EPS8: variants seen among roughly 807,000 people sequenced by gnomAD.
The protein encoded by EPS8 is epidermal growth factor receptor kinase substrate 8.
In EPS8, 42 loss-of-function variants were observed where a neutral mutation model predicts 103.8. The observed-to-expected ratio is 0.40, with a 90% CI of 0.32 to 0.52. The LOEUF (loss-of-function observed/expected upper bound fraction) is 0.52. Among genes scored for constraint, EPS8 ranks in the 20% least tolerant of loss-of-function variants. EPS8 has a pLI of 0.40. For synonymous variants in EPS8, 344 were observed against 344.6 expected (o/e 1.00, Z 0.02); for missense variants, 969 against 1,005.1 (o/e 0.96, Z 0.49).
At chr12:15,665,947 C>T (rs1054052594) in intron 7 of EPS8, 55 bp from the exon 8 acceptor site, 3 of 1,534,526 alleles carry the variant, frequency 2.0e-6, no homozygotes, top group African/African-American at 2.8e-5. Context: ...TATAACATAT[C>T]AATTAACTCA....
At chr12:15,667,474 G>A (rs10772868) in intron 6 of EPS8, among the ~76,000 whole-genome samples, 149,357 of 152,204 alleles carry the variant, frequency 0.98, 73,355 homozygotes, top group East Asian at 1. Flanking sequence ...TACAAATATC[G>A]TGTCAAAGGC....
intron 1 of EPS8, among the ~76,000 whole-genome samples, chr12:15,709,405 G>T (rs1221650380): frequency 2.0e-5 from 3 of 151,720 alleles, no homozygotes; most frequent in Non-Finnish European, 4.4e-5. Flanking sequence ...ATGAGGGAGA[G>T]ACTTTCTAAT....
At position 15,698,378 on chromosome 12, in the gene EPS8, T is replaced by G. The variant is rs2135931807; in HGVS notation, c.-21-15406A>C. Among the ~76,000 whole-genome samples the G allele has an allele frequency of 6.6e-6, 1 of 152,140 alleles. No individual in the cohort carries two copies. The highest frequency in any genetic ancestry group is 2.1e-4 in the South Asian group (1 of 4,808). The stretch of plus-strand genomic sequence containing the variant: ...AGCTCTAGCTTCTAACGAGAACTAC[T>G]CAAGGAAAAGAACAAGCAGTGTCAA... On this transcript the variant is annotated intron_variant, in intron 1 of 20. Coordinates refer to ENST00000281172, the MANE Select transcript of EPS8 (RefSeq NM_004447.6). The surrounding 1 kb of genome is among the most constrained non-coding windows in gnomAD (Gnocchi z 4.9).
intron 1 of EPS8, among the ~76,000 whole-genome samples, chr12:15,723,498 A>G (rs2075742215): frequency 6.6e-6 from 1 of 152,074 alleles, no homozygotes; most frequent in Non-Finnish European, 1.5e-5. Context: ...TGGATTTTTA[A>G]TTGTATATGT....
In EPS8 at chr12:15,752,442, A is replaced by G. The variant is rs1946942775; in HGVS notation, c.-22+36719T>C. 6.6e-6 allele frequency among the ~76,000 whole-genome samples: 1 copy of G among 151,720 alleles called. No individual in the cohort carries two copies. The highest frequency in any genetic ancestry group is 1.5e-5 in the Non-Finnish European group (1 of 67,930). On this transcript the variant is annotated intron_variant, in intron 1 of 20. Coordinates refer to ENST00000281172, the MANE Select transcript of EPS8 (RefSeq NM_004447.6). The surrounding 1 kb of genome is among the most constrained non-coding windows in gnomAD (Gnocchi z 4.4). ...AGCCTGGGCGACAGAGCAAGACTCC[A>G]TCTCAAAAAAAAAACAAAAACAAAA...
intron 1 of EPS8, among the ~76,000 whole-genome samples, chr12:15,742,295 T>C (rs1023241551): frequency 6.6e-6 from 1 of 152,226 alleles, no homozygotes; most frequent in Non-Finnish European, 1.5e-5. Flanking sequence ...CCACACTGTC[T>C]TCCACAATGG....
intron 1 of EPS8, among the ~76,000 whole-genome samples, chr12:15,687,506 C>T (rs1946112275): frequency 6.6e-6 from 1 of 152,062 alleles, no homozygotes; most frequent in Admixed American, 6.5e-5. Context: ...TGACAAAATT[C>T]TTAAGCTGTT....
chr12:15,626,097 CA>C (rs1474636741), intron 18 of EPS8, among the ~76,000 whole-genome samples: 1 of 152,108 alleles, frequency 6.6e-6, no homozygotes, highest in Non-Finnish European at 1.5e-5. Flanking sequence ...TCTATCTTTC[CA>C]GTTCTGGCAA....
chr12:15,770,189 C>T (rs1055283784), intron 1 of EPS8, among the ~76,000 whole-genome samples: 4 of 147,722 alleles, frequency 2.7e-5, no homozygotes, highest in African/African-American at 1.0e-4. Context: ...TCCACCCACC[C>T]ATGACTTAAG....
At chr12:15,655,447 G>A (rs1268056935) in intron 12 of EPS8, among the ~76,000 whole-genome samples, 1 of 152,122 alleles carries the variant, frequency 6.6e-6, no homozygotes, top group Admixed American at 6.5e-5. Flanking sequence ...TTGAGGAGTT[G>A]GACTAAGACT....
intron 3 of EPS8, among the ~76,000 whole-genome samples, chr12:15,676,032 G>A (rs1272416854): frequency 6.6e-6 from 1 of 152,024 alleles, no homozygotes; most frequent in African/African-American, 2.4e-5. Flanking sequence ...CAGCACTTTG[G>A]GAGACGGAGG....
chr12:15,737,908 T>G (rs954991235), intron 1 of EPS8, among the ~76,000 whole-genome samples: 19 of 152,168 alleles, frequency 1.2e-4, no homozygotes, highest in African/African-American at 4.1e-4. Context: ...AGGTGTTTTT[T>G]GTAAGTACAT....
chr12:15,622,401 T>C, intron 20 of EPS8, among the ~76,000 whole-genome samples: 1 of 152,158 alleles, frequency 6.6e-6, no homozygotes, highest in East Asian at 1.9e-4. Flanking sequence ...CCCTGAATTA[T>C]TTAACTGTTG....
In EPS8 at chr12:15,789,192, C is replaced by G. The variant is rs1282255147; in HGVS notation, c.-53G>C. 5.9e-5 allele frequency: 9 copies of G among 152,178 alleles called. No individual in the cohort carries two copies. Among genetic ancestry groups the G allele is most frequent in the African/African-American group, 1.7e-4 (7 of 41,458 alleles). The allele number at this position is 152,178 out of a possible 1,614,324, so 9.4% of individuals were successfully genotyped here. ...TCCGCCCTCGGGGCCACGGCTTTCCCCGGAGACGCCGCGAGCCCAGACGAG... is the reference window on the plus strand; with the variant it reads ...TCCGCCCTCGGGGCCACGGCTTTCCGCGGAGACGCCGCGAGCCCAGACGAG... On this transcript the variant is annotated 5_prime_UTR_variant, in exon 1 of 21. Transcript: ENST00000281172. This position sits in a 1 kb window ranked among gnomAD's most constrained non-coding sequence, Gnocchi z 6.1.
intron 1 of EPS8, among the ~76,000 whole-genome samples, chr12:15,786,985 T>A (rs758019912): frequency 3.3e-5 from 5 of 152,144 alleles, no homozygotes; most frequent in Non-Finnish European, 4.4e-5. Context: ...TGATGATCCG[T>A]GTAACTACCA....
intron 1 of EPS8, among the ~76,000 whole-genome samples, chr12:15,691,055 A>G (rs752611965): frequency 5.9e-5 from 9 of 152,072 alleles, no homozygotes; most frequent in Admixed American, 2.0e-4. Context: ...TCCAACTCAC[A>G]GAAAAGCTAG....
At chr12:15,666,237 A>G (rs899913894) in intron 7 of EPS8, among the ~76,000 whole-genome samples, 4 of 152,226 alleles carry the variant, frequency 2.6e-5, no homozygotes, top group African/African-American at 9.6e-5. Flanking sequence ...AAGTGAAGCC[A>G]TATCAGAGAA....
chr12:15,717,242 A>G lies in EPS8; in HGVS notation c.-21-34270T>C, dbSNP rs918555214. On this transcript the variant is annotated intron_variant, in intron 1 of 20. Transcript: ENST00000281172. The surrounding 1 kb of genome is among the most constrained non-coding windows in gnomAD (Gnocchi z 4.3). Reference sequence around the variant, plus strand: ...TTGTTAAAACATTCAATGAGTCAGTATGGGTTGAAGCTATTGTTTGGCTGT... The same window carrying G: ...TTGTTAAAACATTCAATGAGTCAGTGTGGGTTGAAGCTATTGTTTGGCTGT... Among the ~76,000 whole-genome samples, 2 of 152,176 alleles carry G rather than the reference A, an allele frequency of 1.3e-5. No individual in the cohort carries two copies. The highest frequency in any genetic ancestry group is 2.4e-5 in the African/African-American group (1 of 41,440).
rs1946661449 is a variant in EPS8 at position 15,727,069 on chromosome 12, C to A, written c.-21-44097G>T. Among the ~76,000 whole-genome samples the A allele has an allele frequency of 6.6e-6, 1 of 152,126 alleles. No individual in the cohort carries two copies. Among genetic ancestry groups the A allele is most frequent in the African/African-American group, 2.4e-5 (1 of 41,414 alleles). ...TCAGTGAGTGGTATTTTTTCAAGGT[C>A]TGAAACTCACTAGCTCTCTGAAACC... On this transcript the variant is annotated intron_variant, in intron 1 of 20. Transcript: ENST00000281172. The surrounding 1 kb of genome is among the most constrained non-coding windows in gnomAD (Gnocchi z 4.3).
Sources: allele counts gnomAD v4.1 joint callset (sites outside exome capture counted in the v4.1 genomes callset), GRCh38; gene constraint gnomAD v4.1.1; non-coding constraint Gnocchi (gnomAD v3.1); transcripts MANE v1.5; gene names NCBI Gene and HGNC (gene_info 2026-07-23, HGNC 2026-07-21).